The following CPNE1 variants were observed in gnomAD, a reference collection of about 807,000 sequenced individuals.
CPNE1 encodes copine 1.
Under a neutral mutation model 63.2 loss-of-function variants are expected in CPNE1, and 58 were observed. The observed-to-expected ratio is 0.92, with a 90% CI of 0.74 to 1.14. The LOEUF is 1.14. Ranked by LOEUF, CPNE1 falls within the 50% of genes most tolerant of loss-of-function variation. The pLI is 0.00. For missense variants in CPNE1, 672 were observed against 661.7 expected, an observed-to-expected ratio of 1.02 and a Z score of -0.17; for synonymous variants, 237 against 249.0, an observed-to-expected ratio of 0.95 and a Z score of 0.45.
At chr20:35,658,293 T>C (rs1019311352) in intron 1 of CPNE1, among the ~76,000 whole-genome samples, 3 of 152,092 alleles carry the variant, frequency 2.0e-5, no homozygotes, top group African/African-American at 7.2e-5. Context: ...AATAAACATA[T>C]CAATAACAAG....
chr20:35,646,821 C>T (rs942231382), intron 1 of CPNE1, among the ~76,000 whole-genome samples: 7 of 152,186 alleles, frequency 4.6e-5, no homozygotes, highest in East Asian at 1.9e-4. Flanking sequence ...TGCCCCACAA[C>T]GAAATAGTCA....
rs74886843 is a variant in CPNE1 at position 35,634,302 on chromosome 20, C to T, written c.1-1379G>A. Among the ~76,000 whole-genome samples, 438 of 150,524 alleles carry T rather than the reference C, an allele frequency of 2.9e-3. 4 individuals carry two copies. The East Asian group carries it at 0.039, about 14-fold the overall frequency. ...AAGTGAGGTCATATCACGCCTCTGCCTGAACCCTCTAGTACTTCCCATTTC... is the reference window on the plus strand; with the variant it reads ...AAGTGAGGTCATATCACGCCTCTGCTTGAACCCTCTAGTACTTCCCATTTC... On this transcript the variant is annotated intron_variant, in intron 1 of 15. Coordinates refer to ENST00000397443, the MANE Select transcript of CPNE1 (RefSeq NM_152925.3).
At chr20:35,634,331 C>T (rs2032360014) in intron 1 of CPNE1, among the ~76,000 whole-genome samples, 1 of 150,988 alleles carries the variant, frequency 6.6e-6, no homozygotes, top group Non-Finnish European at 1.5e-5. Context: ...CCATTTCCTA[C>T]TGAGCTTAGA....
At chr20:35,649,432 T>C (rs992626660) in intron 1 of CPNE1, 2 of 152,476 alleles carry the variant, frequency 1.3e-5, no homozygotes, top group Non-Finnish European at 2.9e-5. Context: ...TTTCATCCAG[T>C]GGGTTAAGAC....
chr20:35,649,935 C>T (rs1341002727), intron 1 of CPNE1: 1 of 152,440 alleles, frequency 6.6e-6, no homozygotes, highest in African/African-American at 2.4e-5. Flanking sequence ...ATCCTTCATA[C>T]CATACAAAGC....
intron 1 of CPNE1, among the ~76,000 whole-genome samples, chr20:35,646,252 C>CAAAAAAAAAAAAA (rs549372063): frequency 8.6e-5 from 5 of 58,360 alleles, no homozygotes; most frequent in Admixed American, 2.3e-4. Flanking sequence ...AAGACCATCT[C>CAAAAAAAAAAAAA]AAAAAAAAAA....
chr20:35,629,461 G>A (rs6060519), intron 13 of CPNE1, among the ~76,000 whole-genome samples: 38,298 of 151,960 alleles, frequency 0.25, 5,550 homozygotes, highest in African/African-American at 0.41. Flanking sequence ...TGATGCTCAA[G>A]TAAGTACCTG....
intron 1 of CPNE1, among the ~76,000 whole-genome samples, chr20:35,640,841 GCTA>G (rs2032759021): frequency 2.0e-5 from 3 of 152,268 alleles, no homozygotes; most frequent in East Asian, 3.9e-4. Flanking sequence ...GCTCTGACCT[GCTA>G]CTGAGACACT....
At chr20:35,654,211 T>A (rs1044790513) in intron 1 of CPNE1, 1 of 1,614,256 alleles carries the variant, frequency 6.2e-7, no homozygotes, top group East Asian at 2.2e-5. Flanking sequence ...AACTTCCACA[T>A]AGCGTTGAAT....
chr20:35,653,779 T>C (rs775846511), intron 1 of CPNE1: 2 of 1,614,058 alleles, frequency 1.2e-6, no homozygotes, highest in South Asian at 1.1e-5. Flanking sequence ...TCGAATCATA[T>C]CTATCTTTTC....
intron 1 of CPNE1, 102 bp downstream of exon 1, chr20:35,664,658 T>G (rs368981430): frequency 1.3e-5 from 2 of 152,500 alleles, no homozygotes. Context: ...GGGGCGCTAG[T>G]TGCCGCGGGC....
chr20:35,642,759 T>C (rs942857068), intron 1 of CPNE1, among the ~76,000 whole-genome samples: 2 of 152,204 alleles, frequency 1.3e-5, no homozygotes, highest in Non-Finnish European at 2.9e-5. Context: ...TTCATACATA[T>C]GACTAAGGGC....
At chr20:35,653,403 C>A (rs543881351) in intron 1 of CPNE1, 1 of 1,614,158 alleles carries the variant, frequency 6.2e-7, no homozygotes, top group East Asian at 2.2e-5. Context: ...GCACAGGCAT[C>A]TTTAATCCCT....
intron 1 of CPNE1, chr20:35,654,695 C>A: frequency 6.2e-7 from 1 of 1,613,646 alleles, no homozygotes; most frequent in Non-Finnish European, 8.5e-7. Flanking sequence ...GGAGGAGGAA[C>A]TGGAATTGGG....
chr20:35,648,509 A>G (rs2033284986), intron 1 of CPNE1, among the ~76,000 whole-genome samples: 1 of 152,242 alleles, frequency 6.6e-6, no homozygotes, highest in Non-Finnish European at 1.5e-5. Context: ...GATTTCACTC[A>G]GTGATTTGTC....
intron 1 of CPNE1, among the ~76,000 whole-genome samples, chr20:35,663,912 C>A (rs1200326809): frequency 6.6e-6 from 1 of 152,214 alleles, no homozygotes; most frequent in African/African-American, 2.4e-5. Flanking sequence ...CAAAAGCACC[C>A]ACCCTCCGCA....
Position 35,634,686 on chromosome 20 carries a change from C to T in CPNE1, c.1-1763G>A, listed in dbSNP as rs532368005. ...TTTCTTTAACCTGATCTCGGAGTGT[C>T]TCTCTTGCTCACTCCATTTCAGCCA... On this transcript the variant is annotated intron_variant, in intron 1 of 15. Transcript: ENST00000397443. 5.3e-5 allele frequency among the ~76,000 whole-genome samples: 8 copies of T among 152,246 alleles called. No homozygotes were observed. The South Asian group carries it at 1.7e-3, about 32-fold the overall frequency.
rs963778377 is a variant in CPNE1, at chr20:35,626,202, G to C, written c.*39C>G. 3 of 1,612,006 alleles carry C rather than the reference G, an allele frequency of 1.9e-6. No individual in the cohort carries two copies. In the African/African-American group the frequency reaches 4.0e-5, roughly 22 times the overall value. ...GGTTGTGGCCCAGAGGGACCTCTGG[G>C]ACACAGGATTGAGGACTTGCCACAG... On this transcript the variant is annotated 3_prime_UTR_variant, in exon 16 of 16. Transcript: ENST00000397443.
Position 35,631,492 on chromosome 20 carries a change from C to T in CPNE1, c.714G>A (p.Pro238=), listed in dbSNP as rs761281950. 15 of 1,613,544 alleles carry T rather than the reference C, an allele frequency of 9.3e-6. No homozygotes were observed. Among genetic ancestry groups the T allele is most frequent in the East Asian group, 4.5e-5 (2 of 44,856 alleles). The change falls in exon 8 of 16, where the codon CCG becomes CCA. Residue 238 remains proline, a splice_region_variant and synonymous_variant. Coordinates refer to ENST00000397443, the MANE Select transcript of CPNE1 (RefSeq NM_152925.3). ...CACCCCTGGCAAGACCAGCACTCACCGGGACTGCCTGCAGCTGGGCCAAGC... is the reference window on the plus strand; with the variant it reads ...CACCCCTGGCAAGACCAGCACTCACTGGGACTGCCTGCAGCTGGGCCAAGC... ...HTSLAQLQAV[P]AEFECIHPEK...
Sources: gnomAD v4.1 joint callset for allele counts (sites outside exome capture counted in the v4.1 genomes callset) on GRCh38, gnomAD v4.1.1 for gene constraint, MANE v1.5 for transcripts, NCBI Gene and HGNC (gene_info 2026-07-23, HGNC 2026-07-21) for gene names.